Variants in SLC8A1 observed in about 807,000 individuals in gnomAD.
SLC8A1 encodes the protein sodium/calcium exchanger 1.
SLC8A1 carries 18 observed loss-of-function variants against 68.3 expected under a neutral mutation model. The ratio of observed to expected loss-of-function variants is 0.26; its 90% CI spans 0.18 to 0.39. SLC8A1 has a LOEUF of 0.39. Among genes scored for constraint, SLC8A1 ranks in the 10% least tolerant of loss-of-function variants. SLC8A1 has a pLI of 1.00. For missense variants in SLC8A1, 985 were observed against 1,156.7 expected (o/e 0.85, Z 2.15); for synonymous variants, 475 against 415.5 (o/e 1.14, Z -1.74).
At chr2:40,352,552 T>C (rs1360036607) in intron 2 of SLC8A1, among the ~76,000 whole-genome samples, 1 of 152,132 alleles carries the variant, frequency 6.6e-6, no homozygotes, top group African/African-American at 2.4e-5. Flanking sequence ...TCCTAGAGAT[T>C]AGGAAAAATA....
chr2:40,192,372 T>A (rs1306144044), intron 2 of SLC8A1, among the ~76,000 whole-genome samples: 1 of 152,052 alleles, frequency 6.6e-6, no homozygotes, highest in East Asian at 1.9e-4. Context: ...AGAGTTTTTT[T>A]TACATTTATA....
intron 4 of SLC8A1, 64 bp from the exon 7 acceptor site, chr2:40,170,413 G>A: frequency 7.2e-7 from 1 of 1,388,020 alleles, no homozygotes; most frequent in Non-Finnish European, 1.0e-6. Context: ...TCAGAGCTTT[G>A]TGGAATTAGT....
intron 7 of SLC8A1, among the ~76,000 whole-genome samples, chr2:40,138,478 G>T (rs1328924170): frequency 6.6e-6 from 1 of 152,130 alleles, no homozygotes; most frequent in Non-Finnish European, 1.5e-5. Context: ...TTAAGAACGT[G>T]GGTATTGTTG....
intron 2 of SLC8A1, among the ~76,000 whole-genome samples, chr2:40,238,729 T>G (rs1204518469): frequency 6.6e-6 from 1 of 152,242 alleles, no homozygotes; most frequent in East Asian, 1.9e-4. Flanking sequence ...AAGTTAAGTA[T>G]GAGTTTCTAT....
chr2:40,493,413 G>GT (rs1335445016), intron 1 of SLC8A1, among the ~76,000 whole-genome samples: 6 of 151,568 alleles, frequency 4.0e-5, no homozygotes, highest in Admixed American at 6.6e-5. Flanking sequence ...GAGTTAGTGT[G>GT]TGCAGCACAC....
intron 1 of SLC8A1, among the ~76,000 whole-genome samples, chr2:40,480,133 A>G (rs1704539588): frequency 6.6e-6 from 1 of 152,188 alleles, no homozygotes; most frequent in Admixed American, 6.5e-5. Flanking sequence ...AGAGGCCAGA[A>G]ACATTTAATC....
chr2:40,116,802 T>C (rs1306181011), intron 7 of SLC8A1: 1 of 152,214 alleles, frequency 6.6e-6, no homozygotes. Flanking sequence ...TAATCCTGAC[T>C]GTATCTTTTT....
chr2:40,225,396 A>G (rs1001737925), intron 2 of SLC8A1, among the ~76,000 whole-genome samples: 1 of 152,168 alleles, frequency 6.6e-6, no homozygotes, highest in Non-Finnish European at 1.5e-5. Flanking sequence ...GTACCCATCT[A>G]TGTGCTAGTT....
Position 40,430,812 on chromosome 2 carries a change from G to GA in SLC8A1, c.-24-509dup, listed in dbSNP as rs1281840090. Among the ~76,000 whole-genome samples, 6 of 152,108 alleles carry GA rather than the reference G, an allele frequency of 3.9e-5. No homozygotes were observed. In the South Asian group the frequency reaches 6.2e-4, roughly 16 times the overall value. ...ATTGATGCTTTGAAAATCAGACTCCGAAAAAATCCCACCAACACAAGGCCT... is the reference window on the plus strand; with the variant it reads ...ATTGATGCTTTGAAAATCAGACTCCGAAAAAAATCCCACCAACACAAGGCCT... On this transcript the variant is annotated intron_variant, in intron 1 of 7. Coordinates refer to ENST00000406785, the Ensembl canonical transcript of SLC8A1.
At chr2:40,269,142 A>G (rs553847214) in intron 2 of SLC8A1, among the ~76,000 whole-genome samples, 1 of 152,222 alleles carries the variant, frequency 6.6e-6, no homozygotes, top group Non-Finnish European at 1.5e-5. Context: ...CAACTCTATT[A>G]TAGACTAAGA....
chr2:40,347,406 C>T (rs890129252), intron 2 of SLC8A1, among the ~76,000 whole-genome samples: 6 of 152,216 alleles, frequency 3.9e-5, no homozygotes, highest in African/African-American at 1.2e-4. Flanking sequence ...AATGTACTAT[C>T]GTAGAAGTCA....
chr2:40,233,950 A>G (rs1170094883), intron 2 of SLC8A1, among the ~76,000 whole-genome samples: 2 of 151,650 alleles, frequency 1.3e-5, no homozygotes, highest in East Asian at 3.9e-4. Context: ...TGTTCCATTG[A>G]TCTATATCTC....
At chr2:40,450,372 A>ACG (rs995523509) in intron 1 of SLC8A1, among the ~76,000 whole-genome samples, 1 of 144,146 alleles carries the variant, frequency 6.9e-6, no homozygotes, top group East Asian at 1.9e-4. Context: ...GTGTGTGTGC[A>ACG]CGCGCGCGCG....
chr2:40,340,373 C>T (rs547089325), intron 2 of SLC8A1, among the ~76,000 whole-genome samples: 5 of 152,174 alleles, frequency 3.3e-5, no homozygotes, highest in African/African-American at 7.2e-5. Context: ...CCAGCCTGGC[C>T]GACATGGTGA....
chr2:40,435,402 C>T (rs754915725), intron 1 of SLC8A1, among the ~76,000 whole-genome samples: 3 of 138,706 alleles, frequency 2.2e-5, no homozygotes, highest in Non-Finnish European at 4.6e-5. Flanking sequence ...AGACCATGGC[C>T]AGATTTCAGG....
intron 2 of SLC8A1, among the ~76,000 whole-genome samples, chr2:40,344,678 C>T (rs1456493704): frequency 5.9e-5 from 9 of 152,166 alleles, no homozygotes; most frequent in Non-Finnish European, 1.0e-4. Flanking sequence ...CTTCAGGTCT[C>T]CCATTGCCCT....
intron 2 of SLC8A1, among the ~76,000 whole-genome samples, chr2:40,311,639 T>C (rs1415914246): frequency 6.6e-6 from 1 of 152,108 alleles, no homozygotes; most frequent in East Asian, 1.9e-4. Flanking sequence ...CATAAAGTAT[T>C]GACAATTGTA....
chr2:40,430,363 C>T, intron 1 of SLC8A1, 59 bp from the exon 2 acceptor site: 1 of 1,465,894 alleles, frequency 6.8e-7, no homozygotes, highest in African/African-American at 1.4e-5. Flanking sequence ...AGAGCTGCAG[C>T]CAAAGCATTA....
At chr2:40,225,658 G>A (rs1176436340) in intron 2 of SLC8A1, among the ~76,000 whole-genome samples, 3 of 152,082 alleles carry the variant, frequency 2.0e-5, no homozygotes, top group Non-Finnish European at 2.9e-5. Context: ...TTAAAGCCGC[G>A]CTTGCCTATG....
Sources: allele counts gnomAD v4.1 joint callset (sites outside exome capture counted in the v4.1 genomes callset), GRCh38; gene constraint gnomAD v4.1.1; transcripts MANE v1.5; gene names NCBI Gene and HGNC (gene_info 2026-07-23, HGNC 2026-07-21).